Variants in SMUG1 observed in about 807,000 individuals in gnomAD.
SMUG1 encodes the protein single-strand selective monofunctional uracil DNA glycosylase.
In SMUG1, 13 loss-of-function variants were observed where a neutral mutation model predicts 23.9. The observed-to-expected ratio is 0.54, with a 90% CI of 0.35 to 0.86. SMUG1 has a LOEUF of 0.86. Ranked by LOEUF, SMUG1 falls within the 40% of genes least tolerant of loss-of-function variation. The pLI is 0.01. For synonymous variants in SMUG1, 133 were observed against 139.8 expected (o/e 0.95, Z 0.34); for missense variants, 313 against 339.5 (o/e 0.92, Z 0.61).
Position 54,183,809 on chromosome 12 carries a change from C to G in SMUG1, c.132G>C (p.Gln44His). The G allele has an allele frequency of 6.2e-7, 1 of 1,614,158 alleles. No homozygotes were observed. The highest frequency in any genetic ancestry group is 1.1e-5 in the South Asian group (1 of 91,078). ...EELRLNAELS[Q>H]LQFSEPVGII... The stretch of plus-strand genomic sequence containing the variant: ...TGCCCACAGGCTCCGAAAACTGCAG[C>G]TGGCTCAGCTCAGCATTGAGCCGAA... Residue 44 changes from glutamine (Q) to histidine (H), a missense_variant, in exon 3 of 4, where the codon CAG becomes CAC. Coordinates refer to ENST00000682136, the MANE Select transcript of SMUG1 (RefSeq NM_001243787.2).
At chr12:54,163,582 A>G (rs1488436124), downstream of SMUG1, among the ~76,000 whole-genome samples, 1 of 152,214 alleles carries the variant, frequency 6.6e-6, no homozygotes, top group Non-Finnish European at 1.5e-5. Context: ...TGGGGGCGCC[A>G]AGATGATGTT....
downstream of SMUG1, among the ~76,000 whole-genome samples, chr12:54,160,891 A>G (rs1376246081): frequency 1.3e-5 from 2 of 152,162 alleles, no homozygotes; most frequent in Admixed American, 1.3e-4. Flanking sequence ...TGCTTTTTCA[A>G]CCTCACCGCC....
chr12:54,165,841 T>A lies in SMUG1; in HGVS notation c.*53-363A>T, dbSNP rs143850917. On this transcript the variant is annotated intron_variant and NMD_transcript_variant, in intron 3 of 4. Transcript: ENST00000509864. ...ACCCAAAACTTAGCCCTCAGCTTCC[T>A]AGATGAAACCAGGTAGTAGCTTAAA... Among the ~76,000 whole-genome samples, 3 of 152,308 alleles carry A rather than the reference T, an allele frequency of 2.0e-5. 1 individual carries two copies. In the South Asian group the frequency reaches 6.2e-4, roughly 32 times the overall value.
At chr12:54,170,986 A>G (rs1592349942) in intron 3 of SMUG1, among the ~76,000 whole-genome samples, 1 of 146,476 alleles carries the variant, frequency 6.8e-6, no homozygotes, top group Non-Finnish European at 1.5e-5. Context: ...GATGCCCTTC[A>G]CTTTCTTTCT....
chr12:54,188,292 AATAAATAATAAT>A (rs1242493456), intron 1 of SMUG1, among the ~76,000 whole-genome samples: 87 of 31,660 alleles, frequency 2.7e-3, no homozygotes, highest in African/African-American at 6.5e-3. Context: ...TAATAATAAT[AATAAATAATAAT>A]AATAATAATA....
Position 54,182,536 on chromosome 12 carries a change from G to T in SMUG1, c.373C>A (p.Pro125Thr). The T allele has an allele frequency of 6.2e-7, 1 of 1,614,170 alleles. No homozygotes were observed. Residue 125 changes from proline (P) to threonine (T), a missense_variant, in exon 4 of 4, where the codon CCA becomes ACA. Coordinates refer to ENST00000682136, the MANE Select transcript of SMUG1 (RefSeq NM_001243787.2). Reference sequence around the variant, plus strand: ...TGTGGGCACTCCAGTCCCAGCACTGGTCGTTTAGGATGCTCTTGGGGAGGG... The same window carrying T: ...TGTGGGCACTCCAGTCCCAGCACTGTTCGTTTAGGATGCTCTTGGGGAGGG... ...LTPPQEHPKR[P>T]VLGLECPQSE...
intron 4 of SMUG1, chr12:54,165,057 T>C (rs1407256498): frequency 1.3e-5 from 2 of 152,234 alleles, no homozygotes; most frequent in African/African-American, 4.8e-5. Context: ...TCCCTCTTTG[T>C]TCCTCTGATC....
intron 3 of SMUG1, among the ~76,000 whole-genome samples, chr12:54,168,862 AGAGT>A (rs1940549018): frequency 6.6e-6 from 1 of 152,214 alleles, no homozygotes; most frequent in Admixed American, 6.5e-5. Flanking sequence ...AAGGGAAGGA[AGAGT>A]GAGAGCAAGG....
chr12:54,180,345 T>C (rs1355068786), downstream of SMUG1: 1 of 152,250 alleles, frequency 6.6e-6, no homozygotes, highest in Non-Finnish European at 1.5e-5. Context: ...TCCAAGGATT[T>C]AGAGTCTCCT....
At chr12:54,172,096 G>T (rs1418085123) in exon 3 of SMUG1, 1 of 455,178 alleles carries the variant, frequency 2.2e-6, no homozygotes, top group Admixed American at 2.3e-5. Context: ...TCTCAATACA[G>T]CAGCAAGAAT....
rs369762317 is a variant in SMUG1 at position 54,182,664 on chromosome 12, G to C, written c.286-41C>G. 6.4e-6 allele frequency: 10 copies of C among 1,569,124 alleles called. No individual in the cohort carries two copies. In the African/African-American group the frequency reaches 1.2e-4, roughly 19 times the overall value. ...GAGACATGAAAGGCTTCAAACTGGA[G>C]ACCTGAGGCCCGGGCTCTGGACCAA... On this transcript the variant is annotated intron_variant, in intron 3 of 3. Coordinates refer to ENST00000682136, the MANE Select transcript of SMUG1 (RefSeq NM_001243787.2).
chr12:54,182,951 G>A, intron 3 of SMUG1: 1 of 279,388 alleles, frequency 3.6e-6, no homozygotes, highest in Non-Finnish European at 6.6e-6. Flanking sequence ...GATGGTCTGA[G>A]ACAGAAAGGC....
At chr12:54,183,994 C>T in intron 2 of SMUG1, 35 bp from the exon 3 acceptor site, 1 of 1,448,396 alleles carries the variant, frequency 6.9e-7, no homozygotes, top group Non-Finnish European at 9.1e-7. Context: ...CCCATCAACC[C>T]TCAGCCACAG....
chr12:54,182,521 C>G lies in SMUG1; in HGVS notation c.388G>C (p.Glu130Gln). The G allele has an allele frequency of 6.2e-7, 1 of 1,614,094 alleles. No individual in the cohort carries two copies. The highest frequency in any genetic ancestry group is 8.5e-7 in the Non-Finnish European group (1 of 1,180,020). Residue 130 changes from glutamate to glutamine, a missense_variant, in exon 4 of 4, where the codon GAG becomes CAG. By Grantham distance (29) the Glu-to-Gln change is conservative. Coordinates refer to ENST00000682136, the MANE Select transcript of SMUG1 (RefSeq NM_001243787.2). ...CCACTCACTTCTGACTGTGGGCACT[C>G]CAGTCCCAGCACTGGTCGTTTAGGA... ...EHPKRPVLGL[E>Q]CPQSEVSGAR...
intron 2 of SMUG1, chr12:54,184,287 T>C (rs559264702): frequency 4.8e-6 from 1 of 207,472 alleles, no homozygotes; most frequent in African/African-American, 2.3e-5. Flanking sequence ...CATAGTAGGT[T>C]TTCAATAAAC....
chr12:54,183,503 A>G (rs1251852076), intron 3 of SMUG1, 153 bp downstream of exon 3: 2 of 738,750 alleles, frequency 2.7e-6, no homozygotes, highest in Non-Finnish European at 4.5e-6. Context: ...AGGGCCTCGG[A>G]CCACAGGAGC....
intron 2 of SMUG1, among the ~76,000 whole-genome samples, chr12:54,186,344 TG>T (rs1426065048): frequency 1.2e-4 from 12 of 97,678 alleles, no homozygotes; most frequent in South Asian, 3.2e-4. Flanking sequence ...TGTTTTGTTT[TG>T]TTTTGTTTTT....
chr12:54,181,003 A>T lies in SMUG1; in HGVS notation c.*1093T>A, dbSNP rs7977805. ...ACTCCATCTCAAAAAAAAAAAAAAA[A>T]GAGAGATCTACTACATCCTTCCCCC... On this transcript the variant is annotated 3_prime_UTR_variant, in exon 4 of 4. Coordinates refer to ENST00000682136, the MANE Select transcript of SMUG1 (RefSeq NM_001243787.2). 0.012 allele frequency: 1,837 copies of T among 150,530 alleles called. 19 individuals are homozygous for T. The highest frequency in any genetic ancestry group is 0.016 in the Non-Finnish European group (1,070 of 67,908). 9.3% of individuals were successfully genotyped at this position (150,530 alleles called of 1,614,324 possible).
At position 54,182,126 on chromosome 12, in the gene SMUG1, C is replaced by T; in HGVS notation, c.783G>A (p.Glu261=). The change falls in exon 4 of 4, where the codon GAG becomes GAA. Residue 261 remains glutamate, a synonymous_variant. Coordinates refer to ENST00000682136, the MANE Select transcript of SMUG1 (RefSeq NM_001243787.2). ...WEAVAKERLN[E]LGLLPLLLK is the part of the protein sequence containing the mutation. ...TCAACAGCAGTGGCAGCAGCCCCAG[C>T]TCATTCAATCTTTCCTTGGCCACTG... 6.4e-7 allele frequency: 1 copy of T among 1,561,246 alleles called. No individual in the cohort carries two copies. The highest frequency in any genetic ancestry group is 8.7e-7 in the Non-Finnish European group (1 of 1,152,218).
Sources: allele counts gnomAD v4.1 joint callset (sites outside exome capture counted in the v4.1 genomes callset), GRCh38; gene constraint gnomAD v4.1.1; transcripts MANE v1.5; gene names NCBI Gene and HGNC (gene_info 2026-07-23, HGNC 2026-07-21).